PALM2AKAP2: variants seen among roughly 807,000 people sequenced by gnomAD.
PALM2AKAP2 encodes the protein PALM2-AKAP2 fusion protein.
In PALM2AKAP2, 37 loss-of-function variants were observed where a neutral mutation model predicts 71.5. The observed-to-expected ratio is 0.52, with a 90% confidence interval of 0.40 to 0.68. The LOEUF is 0.68. Among genes scored for constraint, PALM2AKAP2 ranks in the 30% least tolerant of loss-of-function variants. The probability of loss-of-function intolerance (pLI) is 0.00; values close to 1 mark genes in which losing one functional copy is unlikely to be tolerated. For missense variants in PALM2AKAP2, 1,224 were observed against 1,191.8 expected (o/e 1.03, Z -0.40); for synonymous variants, 468 against 478.8 (o/e 0.98, Z 0.29).
chr9:109,732,278 T>A (rs1446561671), intron 1 of PALM2AKAP2, among the ~76,000 whole-genome samples: 1 of 152,218 alleles, frequency 6.6e-6, no homozygotes, highest in Non-Finnish European at 1.5e-5. Context: ...GGGAAGGTAG[T>A]GTGCTGTGAT....
rs546939063 is a variant in PALM2AKAP2, at chr9:109,977,385, T to C, written c.497-38569T>C. On this transcript the variant is annotated intron_variant, in intron 6 of 9. Transcript: ENST00000302798. ...ATTGCCTAGGCTCTTAATATTGCTTTCTGTTCATGTGGGCTTTAATGACTT... is the reference window on the plus strand; with the variant it reads ...ATTGCCTAGGCTCTTAATATTGCTTCCTGTTCATGTGGGCTTTAATGACTT... Among the ~76,000 whole-genome samples the C allele has an allele frequency of 3.3e-5, 5 of 152,346 alleles. No homozygotes were observed. The South Asian group carries it at 6.2e-4, about 19-fold the overall frequency.
chr9:110,111,618 G>A (rs1835255352), intron 1 of PALM2AKAP2, among the ~76,000 whole-genome samples: 1 of 152,314 alleles, frequency 6.6e-6, no homozygotes, highest in African/African-American at 2.4e-5. Flanking sequence ...ATGAGAAAAA[G>A]GAATTTTGCA....
intron 7 of PALM2AKAP2, among the ~76,000 whole-genome samples, chr9:110,040,429 G>C (rs1339256539): frequency 6.6e-6 from 1 of 152,126 alleles, no homozygotes; most frequent in Non-Finnish European, 1.5e-5. Flanking sequence ...GAAGGAAAAA[G>C]CCCATTTCTC....
intron 1 of PALM2AKAP2, among the ~76,000 whole-genome samples, chr9:109,675,043 G>T (rs1827629871): frequency 6.6e-6 from 1 of 151,980 alleles, no homozygotes; most frequent in African/African-American, 2.4e-5. Context: ...AGATGATTTT[G>T]CCCAAATGTA....
intron 1 of PALM2AKAP2, among the ~76,000 whole-genome samples, chr9:110,081,573 T>A (rs961842545): frequency 6.6e-6 from 1 of 152,056 alleles, no homozygotes; most frequent in African/African-American, 2.4e-5. Flanking sequence ...TGAACATGAA[T>A]CTTTTCACAG....
At chr9:110,010,268 T>C (rs1209744272) in intron 6 of PALM2AKAP2, among the ~76,000 whole-genome samples, 3 of 152,056 alleles carry the variant, frequency 2.0e-5, no homozygotes, top group Non-Finnish European at 4.4e-5. Flanking sequence ...ATTGTAGTAA[T>C]GTTGCTAGGG....
chr9:109,873,264 A>G (rs1362436076), intron 2 of PALM2AKAP2, among the ~76,000 whole-genome samples: 1 of 152,122 alleles, frequency 6.6e-6, no homozygotes, highest in Non-Finnish European at 1.5e-5. Context: ...GGAGTTCGAG[A>G]CCAGCCTAGC....
At chr9:109,928,520 G>A (rs1455986503) in intron 5 of PALM2AKAP2, among the ~76,000 whole-genome samples, 1 of 152,162 alleles carries the variant, frequency 6.6e-6, no homozygotes, top group African/African-American at 2.4e-5. Flanking sequence ...TCCCATTGAA[G>A]TTTTGGCAAG....
intron 6 of PALM2AKAP2, chr9:109,943,515 C>T (rs1314097164): frequency 6.8e-7 from 1 of 1,475,990 alleles, no homozygotes; most frequent in Non-Finnish European, 9.0e-7. Flanking sequence ...ATACTGTGAA[C>T]TGGAAGCAAA....
At chr9:109,667,798 A>AATAAT (rs1827511056) in intron 1 of PALM2AKAP2, among the ~76,000 whole-genome samples, 3 of 152,294 alleles carry the variant, frequency 2.0e-5, no homozygotes, top group Non-Finnish European at 4.4e-5. Context: ...GTCTCACACA[A>AATAAT]ATAGCAACAA....
chr9:110,064,498 T>C (rs140181094), intron 1 of PALM2AKAP2, among the ~76,000 whole-genome samples: 145 of 152,196 alleles, frequency 9.5e-4, no homozygotes, highest in African/African-American at 3.2e-3. Flanking sequence ...TCCCAGAACA[T>C]TGGAAGGCTG....
In PALM2AKAP2 at chr9:109,706,315, A is replaced by G. The variant is rs182766001; in HGVS notation, c.5+65449A>G. ...AGCTGAATTCAGGATTATTTTTTTG[A>G]TATTCACTACCATGGCAAACTGTCA... On this transcript the variant is annotated intron_variant, in intron 1 of 6. Transcript: ENST00000374531. Among the ~76,000 whole-genome samples, 261 of 151,848 alleles carry G rather than the reference A, an allele frequency of 1.7e-3. 1 individual carries two copies. Among genetic ancestry groups the G allele is most frequent in the South Asian group, 7.7e-3 (37 of 4,806 alleles).
chr9:109,753,355 A>G (rs1229762066), intron 1 of PALM2AKAP2, among the ~76,000 whole-genome samples: 2 of 152,030 alleles, frequency 1.3e-5, no homozygotes, highest in African/African-American at 4.8e-5. Flanking sequence ...CTGCTCTAAT[A>G]ATGGGGGACG....
rs548203516 is a variant in PALM2AKAP2, at chr9:109,899,775, G to A, written c.257+19094G>A. On this transcript the variant is annotated intron_variant, in intron 3 of 9. Coordinates refer to the PALM2AKAP2 transcript ENST00000302798. Reference sequence around the variant, plus strand: ...ATCTACTGTCCCTTCTCCAAGGAACGTTCTTCAGCTGCTCTTTATGTGGTT... The same window carrying A: ...ATCTACTGTCCCTTCTCCAAGGAACATTCTTCAGCTGCTCTTTATGTGGTT... Among the ~76,000 whole-genome samples the A allele has an allele frequency of 9.9e-5, 15 of 152,238 alleles. No individual in the cohort carries two copies. The South Asian group carries it at 1.9e-3, about 19-fold the overall frequency.
chr9:109,707,491 G>T lies in PALM2AKAP2; in HGVS notation c.5+66625G>T, dbSNP rs1828162349. ...GGTGAGCAGTGACAACAGCCAACTT[G>T]GTTTCCAGGGACAGCGTCCGTGTCC... On this transcript the variant is annotated intron_variant, in intron 1 of 6. Transcript: ENST00000374531. 2.0e-5 allele frequency among the ~76,000 whole-genome samples: 3 copies of T among 152,276 alleles called. No individual in the cohort carries two copies. The South Asian group carries it at 6.2e-4, about 32-fold the overall frequency.
At chr9:110,106,695 G>A (rs567399101) in intron 1 of PALM2AKAP2, among the ~76,000 whole-genome samples, 1 of 152,310 alleles carries the variant, frequency 6.6e-6, no homozygotes, top group South Asian at 2.1e-4. Context: ...CCAGCCATGA[G>A]TGGATTTGAG....
chr9:109,818,239 T>G (rs533268068), intron 1 of PALM2AKAP2, among the ~76,000 whole-genome samples: 2 of 152,372 alleles, frequency 1.3e-5, no homozygotes, highest in South Asian at 4.1e-4. Context: ...AATCTCTTTT[T>G]TTTTGACAAG....
chr9:110,166,366 G>T (rs775219824), intron 3 of PALM2AKAP2, among the ~76,000 whole-genome samples: 44 of 152,158 alleles, frequency 2.9e-4, no homozygotes, highest in Admixed American at 5.9e-4. Flanking sequence ...GTGAAGTGGG[G>T]TAGCTGTGTT....
At chr9:109,750,809 T>C (rs527710535) in intron 1 of PALM2AKAP2, among the ~76,000 whole-genome samples, 69 of 152,308 alleles carry the variant, frequency 4.5e-4, no homozygotes, top group African/African-American at 1.5e-3. Flanking sequence ...TTTTGTAAGA[T>C]ATAGTATGGT....
Sources: allele counts gnomAD v4.1 joint callset (sites outside exome capture counted in the v4.1 genomes callset), GRCh38; gene constraint gnomAD v4.1.1; transcripts MANE v1.5; gene names NCBI Gene and HGNC (gene_info 2026-07-23, HGNC 2026-07-21).